SECISBP2L: variants seen among roughly 807,000 people sequenced by gnomAD.
The protein encoded by SECISBP2L is SECIS binding protein 2 like.
SECISBP2L carries 43 observed loss-of-function variants against 114.7 expected under a neutral mutation model. The observed-to-expected ratio is 0.38, with a 90% CI of 0.29 to 0.48. The LOEUF (loss-of-function observed/expected upper bound fraction) is 0.48. Among genes scored for constraint, SECISBP2L ranks in the 20% least tolerant of loss-of-function variants. The pLI, the probability that SECISBP2L is intolerant of heterozygous loss-of-function variation, is 0.98. For missense variants in SECISBP2L, 1,136 were observed against 1,301.1 expected (o/e 0.87, Z 1.95); for synonymous variants, 451 against 439.7 (o/e 1.03, Z -0.32).
At chr15:49,041,205 C>T (rs1018697780) in intron 1 of SECISBP2L, among the ~76,000 whole-genome samples, 4 of 152,130 alleles carry the variant, frequency 2.6e-5, no homozygotes, top group Admixed American at 6.5e-5. Context: ...ATCTACATAG[C>T]AAAACTATCT....
intron 14 of SECISBP2L, among the ~76,000 whole-genome samples, chr15:49,008,457 A>G (rs559423861): frequency 6.6e-6 from 1 of 152,176 alleles, no homozygotes; most frequent in Non-Finnish European, 1.5e-5. Flanking sequence ...CATTTCATAC[A>G]TATGTAACAT....
At chr15:49,028,022 T>C (rs1902786290) in intron 6 of SECISBP2L, 122 bp downstream of exon 6, 2 of 871,918 alleles carry the variant, frequency 2.3e-6, no homozygotes, top group African/African-American at 1.7e-5. Context: ...CCAAATTACC[T>C]TGAATCTCTG....
chr15:49,034,042 CT>C lies in SECISBP2L; in HGVS notation c.529-943del, dbSNP rs35130544. Among the ~76,000 whole-genome samples the C allele has an allele frequency of 3.9e-3, 592 of 151,524 alleles. 8 individuals are homozygous for C. Among genetic ancestry groups the C allele is most frequent in the African/African-American group, 0.014 (566 of 41,332 alleles). ...ATATACTACTATCTTATTTCCAACA[CT>C]TTTTTTTTCATTCTGAGTTCCCGAA... On this transcript the variant is annotated intron_variant, in intron 3 of 17. Coordinates refer to ENST00000559471, the MANE Select transcript of SECISBP2L (RefSeq NM_001193489.2).
intron 7 of SECISBP2L, 126 bp from the exon 8 acceptor site, chr15:49,019,678 T>C (rs1222253382): frequency 1.4e-6 from 1 of 715,386 alleles, no homozygotes; most frequent in Non-Finnish European, 1.9e-6. Context: ...ACCAAGTGCA[T>C]CACTTATTTT....
intron 7 of SECISBP2L, among the ~76,000 whole-genome samples, chr15:49,022,303 C>CA (rs1211965813): frequency 6.6e-6 from 1 of 151,954 alleles, no homozygotes; most frequent in Non-Finnish European, 1.5e-5. Flanking sequence ...CTAAAGAACA[C>CA]AAAAAAACGA....
chr15:49,008,118 A>G (rs1227401514), intron 14 of SECISBP2L, among the ~76,000 whole-genome samples: 1 of 152,202 alleles, frequency 6.6e-6, no homozygotes, highest in South Asian at 2.1e-4. Flanking sequence ...CATGTCTACC[A>G]TAAGCAGGTA....
In SECISBP2L at chr15:48,992,154, A is replaced by T; in HGVS notation, c.*90T>A. On this transcript the variant is annotated 3_prime_UTR_variant, in exon 18 of 18. Coordinates refer to ENST00000559471, the MANE Select transcript of SECISBP2L (RefSeq NM_001193489.2). ...TGGGAATTAAATACGTATATTAAAT[A>T]CTGGACAGTGCAAAATGTTGAGATG... 1 of 1,232,430 alleles carries T rather than the reference A, an allele frequency of 8.1e-7. No individual in the cohort carries two copies. The highest frequency in any genetic ancestry group is 1.1e-6 in the Non-Finnish European group (1 of 877,306). 76.3% of individuals were successfully genotyped at this position (1,232,430 alleles called of 1,614,324 possible).
Position 49,035,350 on chromosome 15 carries a change from C to A in SECISBP2L, c.512G>T (p.Gly171Val), listed in dbSNP as rs144800607. Residue 171 changes from glycine to valine, a missense_variant, in exon 3 of 18, where the codon GGA becomes GTA. By Grantham distance (109) the Gly-to-Val change is moderately radical. Around this residue, in one of 2 missense-constraint regions of SECISBP2L, gnomAD observed 452 missense variants for 452.3 expected, o/e 1.00. Coordinates refer to ENST00000559471, the MANE Select transcript of SECISBP2L (RefSeq NM_001193489.2). Reference sequence around the variant, plus strand: ...GACACTTACTTTTGGGACCACTGATCCTCTGTTACTGTTTCTGCTTCGATG... The same window carrying A: ...GACACTTACTTTTGGGACCACTGATACTCTGTTACTGTTTCTGCTTCGATG... ...SSHRSRNSNR[G>V]SVVPKQQLLQ... 5.0e-6 allele frequency: 8 copies of A among 1,613,558 alleles called. No homozygotes were observed. In the Admixed American group the frequency reaches 8.3e-5, roughly 17 times the overall value.
At chr15:49,029,922 CCA>C (rs1159315429) in intron 4 of SECISBP2L, among the ~76,000 whole-genome samples, 2 of 145,246 alleles carry the variant, frequency 1.4e-5, no homozygotes, top group Non-Finnish European at 3.0e-5. Flanking sequence ...TTACTTTTAG[CCA>C]CAGTGTTTTC....
chr15:49,035,311 GC>G, intron 3 of SECISBP2L, 22 bp downstream of exon 3: 2 of 1,592,558 alleles, frequency 1.3e-6, no homozygotes, highest in Non-Finnish European at 1.7e-6. Flanking sequence ...AAATTTAAAA[GC>G]CAATCAAGAC....
In SECISBP2L at chr15:48,988,714, C is replaced by G; in HGVS notation, c.*3530G>C. The G allele has an allele frequency of 2.4e-6, 1 of 420,722 alleles. No homozygotes were observed. 26.1% of individuals were successfully genotyped at this position (420,722 alleles called of 1,614,324 possible). A position where few individuals can be genotyped will look rare whatever the true frequency, so the allele number is the denominator to read the frequency against. ...ACATAGTGCAAAAAAGCTGTTATTACCCCCCAAATGTGATATAACAATTAT... is the reference window on the plus strand; with the variant it reads ...ACATAGTGCAAAAAAGCTGTTATTAGCCCCCAAATGTGATATAACAATTAT... On this transcript the variant is annotated 3_prime_UTR_variant, in exon 18 of 18. Transcript: ENST00000559471.
chr15:49,012,189 G>A (rs1902450212), intron 12 of SECISBP2L, among the ~76,000 whole-genome samples: 1 of 151,946 alleles, frequency 6.6e-6, no homozygotes, highest in East Asian at 1.9e-4. Context: ...AGTTACATTT[G>A]ATTGACATTC....
At chr15:49,034,099 G>A (rs545704305) in intron 3 of SECISBP2L, among the ~76,000 whole-genome samples, 3 of 151,876 alleles carry the variant, frequency 2.0e-5, no homozygotes, top group South Asian at 4.2e-4. Flanking sequence ...AAGTTTCCAT[G>A]AACAAAAACT....
At position 49,030,146 on chromosome 15, in the gene SECISBP2L, C is replaced by A. The variant is rs537631623; in HGVS notation, c.665-1464G>T. Among the ~76,000 whole-genome samples the A allele has an allele frequency of 2.0e-4, 30 of 151,988 alleles. No homozygotes were observed. The East Asian group carries it at 5.0e-3, about 25-fold the overall frequency. ...TCATAATTTTTATACAACACTGATA[C>A]AATTTTGAGTTGTGCTCTGCTTAAT... On this transcript the variant is annotated intron_variant, in intron 4 of 17. Transcript: ENST00000559471.
At chr15:49,029,629 T>C (rs1419867888) in intron 4 of SECISBP2L, among the ~76,000 whole-genome samples, 1 of 152,188 alleles carries the variant, frequency 6.6e-6, no homozygotes, top group East Asian at 1.9e-4. Flanking sequence ...CACAGACACA[T>C]GAACATGCAT....
intron 14 of SECISBP2L, among the ~76,000 whole-genome samples, chr15:49,004,712 G>C (rs1388438526): frequency 6.6e-6 from 1 of 152,214 alleles, no homozygotes; most frequent in East Asian, 1.9e-4. Context: ...TCAGGAACAG[G>C]TTGCTCAGTT....
intron 13 of SECISBP2L, among the ~76,000 whole-genome samples, chr15:49,009,711 T>TAA (rs201190342): frequency 6.8e-6 from 1 of 147,748 alleles, no homozygotes; most frequent in Middle Eastern, 3.5e-3. Context: ...TCCATCTCTT[T>TAA]AAAAAAAAAA....
intron 1 of SECISBP2L, among the ~76,000 whole-genome samples, chr15:49,038,428 A>G (rs1220852247): frequency 6.6e-6 from 1 of 151,182 alleles, no homozygotes; most frequent in Non-Finnish European, 1.5e-5. Context: ...GATTTAAAAG[A>G]CATAAAAAAA....
At chr15:49,041,585 A>C (rs1294214040) in intron 1 of SECISBP2L, among the ~76,000 whole-genome samples, 1 of 152,226 alleles carries the variant, frequency 6.6e-6, no homozygotes, top group African/African-American at 2.4e-5. Flanking sequence ...TGTACACTAA[A>C]TTCCTCAGAC....
Sources: gnomAD v4.1 joint callset for allele counts (sites outside exome capture counted in the v4.1 genomes callset) on GRCh38, gnomAD v4.1.1 for gene constraint, gnomAD v4.1.1 regional missense constraint, MANE v1.5 for transcripts, NCBI Gene and HGNC (gene_info 2026-07-23, HGNC 2026-07-21) for gene names.